ZFAND6: variants seen among roughly 807,000 people sequenced by gnomAD.
ZFAND6 encodes AN1-type zinc finger protein 6.
ZFAND6 carries 12 observed loss-of-function variants against 24.5 expected under a neutral mutation model. The ratio of observed to expected loss-of-function variants is 0.49; its 90% confidence interval spans 0.31 to 0.79. The LOEUF (loss-of-function observed/expected upper bound fraction) is 0.79. Ranked by LOEUF, ZFAND6 falls within the 30% of genes least tolerant of loss-of-function variation. ZFAND6 has a pLI of 0.04. For synonymous variants in ZFAND6, 92 were observed against 81.5 expected, an observed-to-expected ratio of 1.13 and a Z score of -0.69; for missense variants, 207 against 245.9, an observed-to-expected ratio of 0.84 and a Z score of 1.06.
At chr15:80,092,170 T>A (rs2141902534) in intron 1 of ZFAND6, among the ~76,000 whole-genome samples, 1 of 151,728 alleles carries the variant, frequency 6.6e-6, no homozygotes, top group Non-Finnish European at 1.5e-5. Context: ...ATAGAAAAAA[T>A]TTGGTTTGTT....
intron 1 of ZFAND6, among the ~76,000 whole-genome samples, chr15:80,085,972 T>C (rs974474507): frequency 6.6e-6 from 1 of 152,242 alleles, no homozygotes; most frequent in African/African-American, 2.4e-5. Flanking sequence ...TCTGCACCCA[T>C]ACCAGTAGAC....
At chr15:80,124,613 A>T (rs2040295599) in intron 5 of ZFAND6, among the ~76,000 whole-genome samples, 1 of 152,248 alleles carries the variant, frequency 6.6e-6, no homozygotes, top group South Asian at 2.1e-4. Flanking sequence ...TTTGTGGTGT[A>T]TGGAAAACAA....
At chr15:80,072,824 A>C (rs1160909391) in intron 1 of ZFAND6, among the ~76,000 whole-genome samples, 1 of 152,066 alleles carries the variant, frequency 6.6e-6, no homozygotes, top group African/African-American at 2.4e-5. Context: ...TGTTCAGAGA[A>C]TCAAACTTGA....
intron 5 of ZFAND6, chr15:80,130,389 G>A (rs1431161664): frequency 6.6e-6 from 1 of 152,196 alleles, no homozygotes; most frequent in Non-Finnish European, 1.5e-5. Context: ...CCTGGGGAAA[G>A]TCTAGTTGGG....
intron 2 of ZFAND6, among the ~76,000 whole-genome samples, chr15:80,102,230 C>T (rs2039075409): frequency 6.6e-6 from 1 of 152,088 alleles, no homozygotes; most frequent in African/African-American, 2.4e-5. Flanking sequence ...CTGCCTCACC[C>T]TCCCATGTAG....
chr15:80,088,793 G>A (rs530254666), intron 1 of ZFAND6, among the ~76,000 whole-genome samples: 2 of 152,232 alleles, frequency 1.3e-5, no homozygotes, highest in South Asian at 2.1e-4. Flanking sequence ...GTTAGTAGTG[G>A]CTATTTAAAT....
chr15:80,133,988 GTT>G (rs766211841), intron 6 of ZFAND6, among the ~76,000 whole-genome samples: 6 of 138,738 alleles, frequency 4.3e-5, no homozygotes, highest in African/African-American at 7.9e-5. Flanking sequence ...AAGTTGTTGG[GTT>G]TTTTTTTTTT....
At chr15:80,065,537 A>AT (rs149756891) in intron 1 of ZFAND6, among the ~76,000 whole-genome samples, 3,573 of 76,302 alleles carry the variant, frequency 0.047, 102 homozygotes, top group African/African-American at 0.1. Flanking sequence ...TTTGGTTTTG[A>AT]TTTTTTTTTT....
At chr15:80,082,454 G>A (rs1318568352) in intron 1 of ZFAND6, among the ~76,000 whole-genome samples, 1 of 152,208 alleles carries the variant, frequency 6.6e-6, no homozygotes, top group Non-Finnish European at 1.5e-5. Flanking sequence ...AATTGGGAAG[G>A]CTGATACCAG....
chr15:80,135,981 CTGATCA>C (rs1567105819), intron 6 of ZFAND6, among the ~76,000 whole-genome samples: 1 of 152,060 alleles, frequency 6.6e-6, no homozygotes, highest in African/African-American at 2.4e-5. Flanking sequence ...TTAAAATTAG[CTGATCA>C]TGATGGCATG....
intron 1 of ZFAND6, among the ~76,000 whole-genome samples, chr15:80,097,475 C>CT (rs2038792266): frequency 6.6e-6 from 1 of 151,994 alleles, no homozygotes; most frequent in Non-Finnish European, 1.5e-5. Context: ...TGGTGAAACT[C>CT]TGTTTCTACA....
At position 80,107,565 on chromosome 15, in the gene ZFAND6, C is replaced by T. The variant is rs571116909; in HGVS notation, c.-18+8987C>T. Among the ~76,000 whole-genome samples the T allele has an allele frequency of 2.0e-5, 3 of 152,216 alleles. No homozygotes were observed. In the South Asian group the frequency reaches 6.2e-4, roughly 32 times the overall value. On this transcript the variant is annotated intron_variant, in intron 2 of 6. Coordinates refer to ENST00000261749, the MANE Select transcript of ZFAND6 (RefSeq NM_019006.4). ...AGGGGCTGGGCGCAGTGTTTCATGC[C>T]TGTAATCCCAGCTCTTTGGGAGGCT...
chr15:80,126,368 C>T (rs2040369937), intron 5 of ZFAND6, among the ~76,000 whole-genome samples: 1 of 152,156 alleles, frequency 6.6e-6, no homozygotes, highest in Admixed American at 6.5e-5. Context: ...GGAGGACTAA[C>T]AATTCCTGGC....
intron 1 of ZFAND6, among the ~76,000 whole-genome samples, chr15:80,083,505 G>A (rs2037806250): frequency 6.6e-6 from 1 of 152,222 alleles, no homozygotes; most frequent in South Asian, 2.1e-4. Context: ...AGACTGTAAA[G>A]TGGCTGTGCT....
intron 1 of ZFAND6, among the ~76,000 whole-genome samples, chr15:80,079,377 C>T (rs1412990578): frequency 4.0e-5 from 6 of 151,792 alleles, no homozygotes; most frequent in Admixed American, 2.0e-4. Context: ...CCCGCCACCA[C>T]GCTTGGCTAA....
At chr15:80,084,149 C>T (rs1340499605) in intron 1 of ZFAND6, among the ~76,000 whole-genome samples, 1 of 152,144 alleles carries the variant, frequency 6.6e-6, no homozygotes, top group East Asian at 1.9e-4. Flanking sequence ...AAGCCTAGAT[C>T]AGGGTTAGGC....
intron 1 of ZFAND6, among the ~76,000 whole-genome samples, chr15:80,091,570 T>C (rs548358734): frequency 9.8e-5 from 15 of 152,340 alleles, no homozygotes; most frequent in African/African-American, 3.6e-4. Flanking sequence ...CAGTTTGCCA[T>C]CGGTATCCTT....
At chr15:80,118,720 T>C (rs2040012457) in intron 2 of ZFAND6, among the ~76,000 whole-genome samples, 1 of 152,164 alleles carries the variant, frequency 6.6e-6, no homozygotes, top group African/African-American at 2.4e-5. Flanking sequence ...CCAAATTGTG[T>C]TCATAGGCTA....
chr15:80,088,312 T>TA (rs1253996706), intron 1 of ZFAND6, among the ~76,000 whole-genome samples: 1 of 152,198 alleles, frequency 6.6e-6, no homozygotes, highest in African/African-American at 2.4e-5. Flanking sequence ...TTCATGCCTG[T>TA]AATCCCAGCA....
Sources: allele counts gnomAD v4.1 joint callset (sites outside exome capture counted in the v4.1 genomes callset), GRCh38; gene constraint gnomAD v4.1.1; transcripts MANE v1.5; gene names NCBI Gene and HGNC (gene_info 2026-07-23, HGNC 2026-07-21).